The following DPH7 variants were observed in gnomAD, a reference collection of about 807,000 sequenced individuals.
The protein encoded by DPH7 is diphthamide biosynthesis 7.
A neutral mutation model predicts 41.7 loss-of-function variants in DPH7; 44 were observed. That is an observed-to-expected ratio of 1.05 (90% CI 0.83 to 1.36). The LOEUF (loss-of-function observed/expected upper bound fraction) is 1.36, where lower values mean the gene tolerates loss of function less well. Ranked by LOEUF, DPH7 falls within the 40% of genes most tolerant of loss-of-function variation. The pLI, the probability that DPH7 is intolerant of heterozygous loss-of-function variation, is 0.00. For synonymous variants in DPH7, 275 were observed against 238.0 expected, an observed-to-expected ratio of 1.16 and a Z score of -1.43; for missense variants, 629 against 577.5, an observed-to-expected ratio of 1.09 and a Z score of -0.91.
intron 2 of DPH7, 152 bp from the exon 3 acceptor site, chr9:137,576,319 T>C: frequency 1.5e-6 from 1 of 647,380 alleles, no homozygotes; most frequent in Non-Finnish European, 2.8e-6. Context: ...CTTGATTATA[T>C]GGTATGGCCC....
chr9:137,573,400 C>T (rs1451277662), intron 5 of DPH7, among the ~76,000 whole-genome samples: 2 of 119,766 alleles, frequency 1.7e-5, no homozygotes, highest in African/African-American at 6.4e-5. Context: ...CTAAGTGGGC[C>T]GGGTGCAGTG....
At chr9:137,557,262 CTT>C (rs1837674867) in intron 8 of DPH7, among the ~76,000 whole-genome samples, 1 of 152,212 alleles carries the variant, frequency 6.6e-6, no homozygotes, top group Non-Finnish European at 1.5e-5. Context: ...AATCCCAGCA[CTT>C]TGGGAAGCCA....
At chr9:137,563,480 C>T (rs1384716174) in intron 8 of DPH7, among the ~76,000 whole-genome samples, 4 of 139,148 alleles carry the variant, frequency 2.9e-5, no homozygotes, top group Non-Finnish European at 3.0e-5. Context: ...TGTGGTGAGC[C>T]GAGATCGCAC....
At chr9:137,555,796 C>G (rs1431328279) in intron 8 of DPH7, 148 bp from the exon 9 acceptor site, 2 of 864,180 alleles carry the variant, frequency 2.3e-6, no homozygotes, top group African/African-American at 1.7e-5. Flanking sequence ...GCAAAGGAAC[C>G]AGCAAGACCT....
intron 5 of DPH7, among the ~76,000 whole-genome samples, chr9:137,570,770 G>A (rs1278197676): frequency 2.0e-5 from 3 of 151,992 alleles, no homozygotes; most frequent in Non-Finnish European, 4.4e-5. Flanking sequence ...GCCATAGCAG[G>A]GCCACTCCTG....
In DPH7 at chr9:137,557,901, G is replaced by A. The variant is rs973387201; in HGVS notation, c.950-2253C>T. Among the ~76,000 whole-genome samples the A allele has an allele frequency of 2.6e-5, 4 of 152,166 alleles. No homozygotes were observed. In the South Asian group the frequency reaches 6.2e-4, roughly 24 times the overall value. ...TGTAATCCTAACACTTTGGGAGGCCGAGGCGGGTTGATCACCTGAGGTCAG... is the reference window on the plus strand; with the variant it reads ...TGTAATCCTAACACTTTGGGAGGCCAAGGCGGGTTGATCACCTGAGGTCAG... On this transcript the variant is annotated intron_variant, in intron 8 of 8. Coordinates refer to ENST00000277540, the MANE Select transcript of DPH7 (RefSeq NM_138778.5).
At chr9:137,576,278 G>A (rs777440582) in intron 2 of DPH7, 111 bp from the exon 3 acceptor site, 12 of 887,412 alleles carry the variant, frequency 1.4e-5, no homozygotes, top group Non-Finnish European at 2.0e-5. Context: ...TGCAGTCCAC[G>A]CAAACCCAGC....
chr9:137,570,055 C>T (rs1277737718), intron 5 of DPH7, among the ~76,000 whole-genome samples: 4 of 150,740 alleles, frequency 2.7e-5, no homozygotes, highest in Non-Finnish European at 5.9e-5. Context: ...CATCCATCCA[C>T]CACAAACCCA....
chr9:137,578,560 G>A, intron 1 of DPH7, 65 bp downstream of exon 1: 2 of 1,396,480 alleles, frequency 1.4e-6, no homozygotes, highest in South Asian at 1.5e-5. Context: ...GCGATTCGGT[G>A]CGCCTTTCGG....
Position 137,575,828 on chromosome 9 carries a change from C to T in DPH7, c.375+252G>A. On this transcript the variant is annotated intron_variant, in intron 3 of 8. Coordinates refer to ENST00000277540, the MANE Select transcript of DPH7 (RefSeq NM_138778.5). ...GCTCTCCTTAGAGAACTTTCAGATC[C>T]ACTGACAGGTCAATGAACATCCTGT... 7 of 1,300,018 alleles carry T rather than the reference C, an allele frequency of 5.4e-6. No homozygotes were observed. In the South Asian group the frequency reaches 9.7e-5, roughly 18 times the overall value. 80.5% of individuals were successfully genotyped at this position (1,300,018 alleles called of 1,614,324 possible). A position where few individuals can be genotyped will look rare whatever the true frequency, so the allele number is the denominator to read the frequency against.
At chr9:137,563,606 A>T (rs911751860) in intron 8 of DPH7, among the ~76,000 whole-genome samples, 7 of 151,634 alleles carry the variant, frequency 4.6e-5, no homozygotes, top group African/African-American at 1.7e-4. Context: ...TCCAGTGCAG[A>T]GAAGAAACTG....
chr9:137,559,771 A>G (rs12350280), intron 8 of DPH7, among the ~76,000 whole-genome samples: 3,878 of 152,158 alleles, frequency 0.025, 179 homozygotes, highest in African/African-American at 0.087. Context: ...ATTGGAGATG[A>G]CTCACACTCT....
Position 137,555,299 on chromosome 9 carries a change from G to A in DPH7, c.1299C>T (p.Leu433=), listed in dbSNP as rs773064517. ...NPEEADSAFS[L]LATCSFYDHA... is the part of the protein sequence containing the mutation. The stretch of plus-strand genomic sequence containing the variant: ...GGTCATAGAAGGAGCAGGTGGCCAG[G>A]AGGCTGAAGGCTGAGTCTGCTTCTT... The change falls in exon 9 of 9, where the codon CTC becomes CTT. Residue 433 remains leucine, a synonymous_variant. Coordinates refer to ENST00000277540, the MANE Select transcript of DPH7 (RefSeq NM_138778.5). The A allele has an allele frequency of 3.1e-6, 5 of 1,613,128 alleles. No homozygotes were observed. In the East Asian group the frequency reaches 8.9e-5, roughly 29 times the overall value.
At chr9:137,575,507 C>A in intron 3 of DPH7, 1 of 990,980 alleles carries the variant, frequency 1.0e-6, no homozygotes, top group Admixed American at 5.7e-5. Flanking sequence ...TAAGCAAGGC[C>A]TTTTCCTACA....
Position 137,575,721 on chromosome 9 carries a change from T to A in DPH7, c.375+359A>T, listed in dbSNP as rs374124993. On this transcript the variant is annotated intron_variant, in intron 3 of 8. Transcript: ENST00000277540. ...ACACAGGACTCACGTGCTTTTCCAATAATCAGTGAGAAATGCCATCTTCAC... is the reference window on the plus strand; with the variant it reads ...ACACAGGACTCACGTGCTTTTCCAAAAATCAGTGAGAAATGCCATCTTCAC... 6.6e-6 allele frequency: 7 copies of A among 1,066,048 alleles called. No individual in the cohort carries two copies. The East Asian group carries it at 3.9e-4, about 60-fold the overall frequency. 66.0% of individuals were successfully genotyped at this position (1,066,048 alleles called of 1,614,324 possible). A position where few individuals can be genotyped will look rare whatever the true frequency, so the allele number is the denominator to read the frequency against.
chr9:137,577,639 A>G (rs920071581), intron 1 of DPH7, 36 bp from the exon 2 acceptor site: 6 of 1,603,136 alleles, frequency 3.7e-6, no homozygotes, highest in Non-Finnish European at 5.1e-6. Context: ...TGATTATCCC[A>G]AGACACGAAG....
rs370507645 is a variant in DPH7 at position 137,555,485 on chromosome 9, G to A, written c.1113C>T (p.Ser371=). 3.0e-5 allele frequency: 48 copies of A among 1,613,932 alleles called. No homozygotes were observed. The highest frequency in any genetic ancestry group is 3.6e-5 in the Non-Finnish European group (42 of 1,180,010). The part of the protein sequence containing the change: ...GTKTADLKGA[S]ELPTPCHECR... The stretch of plus-strand genomic sequence containing the variant: ...ATTCATGACAGGGTGTTGGCAACTC[G>A]CTTGCACCCTTCAGGTCTGCCGTCT... The change falls in exon 9 of 9, where the codon AGC becomes AGT. Residue 371 remains serine, a synonymous_variant. Coordinates refer to ENST00000277540, the MANE Select transcript of DPH7 (RefSeq NM_138778.5).
In DPH7 at chr9:137,577,616, C is replaced by T. The variant is rs758006129; in HGVS notation, c.154-13G>A. On this transcript the variant is annotated splice_polypyrimidine_tract_variant and intron_variant, in intron 1 of 8. Transcript: ENST00000277540. Reference sequence around the variant, plus strand: ...CTTCCATTCCACCCTACAAAAAATGCAGAGGTAGTCTCTGATTATCCCAAG... The same window carrying T: ...CTTCCATTCCACCCTACAAAAAATGTAGAGGTAGTCTCTGATTATCCCAAG... The T allele has an allele frequency of 1.2e-6, 2 of 1,611,436 alleles. No homozygotes were observed. Among genetic ancestry groups the T allele is most frequent in the Non-Finnish European group, 1.7e-6 (2 of 1,178,740 alleles).
chr9:137,555,525 C>T lies in DPH7; in HGVS notation c.1073G>A (p.Ser358Asn). 1 of 1,614,100 alleles carries T rather than the reference C, an allele frequency of 6.2e-7. No homozygotes were observed. The highest frequency in any genetic ancestry group is 8.5e-7 in the Non-Finnish European group (1 of 1,180,016). Residue 358 changes from serine (S) to asparagine (N), a missense_variant, in exon 9 of 9, where the codon AGC (serine) becomes AAC (asparagine). Ser to Asn is a conservative substitution (Grantham distance 46). Transcript: ENST00000277540. The stretch of plus-strand genomic sequence containing the variant: ...GTCTGCCGTCTTGGTTCCTAGGTTG[C>T]TAGGAAAGGACCACGAGGGGGCCCG... Reference protein sequence around the residue: ...LQRAPSWSFPSNLGTKTADLK... With the variant: ...LQRAPSWSFPNNLGTKTADLK...
Sources: gnomAD v4.1 joint callset for allele counts (sites outside exome capture counted in the v4.1 genomes callset) on GRCh38, gnomAD v4.1.1 for gene constraint, MANE v1.5 for transcripts, NCBI Gene and HGNC (gene_info 2026-07-23, HGNC 2026-07-21) for gene names.